The following ITGB8 variants were observed in gnomAD, a reference collection of about 807,000 sequenced individuals.
The protein encoded by ITGB8 is integrin beta-8.
ITGB8 carries 30 observed loss-of-function variants against 89.5 expected under a neutral mutation model. The ratio of observed to expected loss-of-function variants is 0.34; its 90% CI spans 0.25 to 0.45. The LOEUF (loss-of-function observed/expected upper bound fraction) is 0.45. Ranked by LOEUF, ITGB8 falls within the 20% of genes least tolerant of loss-of-function variation. The pLI, the probability that ITGB8 is intolerant of heterozygous loss-of-function variation, is 1.00. For synonymous variants in ITGB8, 335 were observed against 320.4 expected (o/e 1.05, Z -0.49); for missense variants, 836 against 933.3 (o/e 0.90, Z 1.36).
chr7:20,365,709 C>T (rs1396404885), intron 2 of ITGB8: 1 of 152,228 alleles, frequency 6.6e-6, no homozygotes, highest in African/African-American at 2.4e-5. Context: ...AGTTTTAGGA[C>T]TCAGCCACTA....
At chr7:20,369,590 A>G (rs1785846743) in intron 3 of ITGB8, among the ~76,000 whole-genome samples, 1 of 152,190 alleles carries the variant, frequency 6.6e-6, no homozygotes, top group Non-Finnish European at 1.5e-5. Flanking sequence ...ATACTGTCAC[A>G]TTGGAGGTTA....
chr7:20,399,225 G>A (rs1341822363), intron 9 of ITGB8, among the ~76,000 whole-genome samples: 1 of 152,142 alleles, frequency 6.6e-6, no homozygotes, highest in African/African-American at 2.4e-5. Flanking sequence ...GTGCGTGTGT[G>A]TGTAATATGA....
At chr7:20,365,304 C>G (rs1785651184) in intron 2 of ITGB8, 1 of 152,240 alleles carries the variant, frequency 6.6e-6, no homozygotes, top group Non-Finnish European at 1.5e-5. Context: ...GGAAAACGGT[C>G]AGAAACTCAC....
intron 3 of ITGB8, among the ~76,000 whole-genome samples, chr7:20,378,371 C>T (rs915654025): frequency 3.3e-5 from 5 of 152,170 alleles, no homozygotes; most frequent in Non-Finnish European, 7.3e-5. Context: ...AATGCTGACC[C>T]CTACCTTCCC....
At chr7:20,334,120 A>T (rs1424893729) in intron 1 of ITGB8, among the ~76,000 whole-genome samples, 1 of 152,188 alleles carries the variant, frequency 6.6e-6, no homozygotes, top group African/African-American at 2.4e-5. Context: ...CATATAGTGG[A>T]CTTTTAATAA....
chr7:20,356,791 G>A (rs1785310085), intron 1 of ITGB8, among the ~76,000 whole-genome samples: 1 of 152,146 alleles, frequency 6.6e-6, no homozygotes, highest in Admixed American at 6.5e-5. Flanking sequence ...AAAAAAACTA[G>A]AAATGTCTCT....
Position 20,404,845 on chromosome 7 carries a change from G to A in ITGB8, c.1905G>A (p.Lys635=). The A allele has an allele frequency of 2.5e-6, 4 of 1,613,918 alleles. No homozygotes were observed. The highest frequency in any genetic ancestry group is 1.6e-4 in the Middle Eastern group (1 of 6,062). ...GCCCCACCTGTTATACAGCCTGCAAGGAAAACTGGTATGATTTCTTTGACT... is the reference window on the plus strand; with the variant it reads ...GCCCCACCTGTTATACAGCCTGCAAAGAAAACTGGTATGATTTCTTTGACT... The part of the protein sequence containing the change: ...EHCPTCYTAC[K]ENWNCMQCLH... The change falls in exon 11 of 14, where the codon AAG becomes AAA. Residue 635 remains lysine (K), a synonymous_variant. Transcript: ENST00000222573.
chr7:20,406,339 T>C (rs1271909914), intron 12 of ITGB8, among the ~76,000 whole-genome samples, 168 bp downstream of exon 12: 1 of 152,120 alleles, frequency 6.6e-6, no homozygotes, highest in African/African-American at 2.4e-5. Context: ...TCACCTGAGG[T>C]CAGGAGTTCC....
chr7:20,344,138 G>A (rs780954443), intron 1 of ITGB8, among the ~76,000 whole-genome samples: 8 of 151,960 alleles, frequency 5.3e-5, no homozygotes, highest in Non-Finnish European at 8.8e-5. Context: ...CATACAATAC[G>A]AGATAGTGCT....
At chr7:20,343,002 T>C (rs905868038) in intron 1 of ITGB8, among the ~76,000 whole-genome samples, 1 of 152,210 alleles carries the variant, frequency 6.6e-6, no homozygotes, top group Admixed American at 6.5e-5. Flanking sequence ...CATTCAAATA[T>C]AAATTGGTTG....
At chr7:20,330,389 G>A (rs546469733), upstream of ITGB8, among the ~76,000 whole-genome samples, 151 of 152,320 alleles carry the variant, frequency 9.9e-4, no homozygotes, top group South Asian at 1.7e-3. Context: ...TCCGAACAAA[G>A]CGGCGAGCAG....
intron 6 of ITGB8, among the ~76,000 whole-genome samples, chr7:20,389,333 A>T (rs934661520): frequency 6.6e-5 from 10 of 152,124 alleles, no homozygotes; most frequent in African/African-American, 1.9e-4. Context: ...CTGGCCTGAG[A>T]TGGTATCTCA....
chr7:20,384,886 T>A (rs1314779567), intron 6 of ITGB8, among the ~76,000 whole-genome samples: 1 of 152,264 alleles, frequency 6.6e-6, no homozygotes, highest in East Asian at 1.9e-4. Context: ...CACTATTGAA[T>A]AAATTACATT....
At chr7:20,355,771 G>A (rs6968646) in intron 1 of ITGB8, among the ~76,000 whole-genome samples, 2 of 152,200 alleles carry the variant, frequency 1.3e-5, no homozygotes, top group Admixed American at 6.5e-5. Context: ...TAGGCTGGGC[G>A]ACACTGCAAG....
intron 1 of ITGB8, among the ~76,000 whole-genome samples, chr7:20,356,891 G>A (rs7806488): frequency 0.8 from 121,926 of 152,052 alleles, 49,022 homozygotes; most frequent in South Asian, 0.84. Context: ...GTTTTGGGGA[G>A]TTTGCTGGTC....
At chr7:20,347,768 A>G (rs1784977518) in intron 1 of ITGB8, among the ~76,000 whole-genome samples, 1 of 152,152 alleles carries the variant, frequency 6.6e-6, no homozygotes, top group Non-Finnish European at 1.5e-5. Context: ...GAAGGTACCA[A>G]TTTGGTGGTC....
chr7:20,351,225 C>A lies in ITGB8; in HGVS notation c.128-12412C>A, dbSNP rs1785103493. 2.6e-5 allele frequency among the ~76,000 whole-genome samples: 4 copies of A among 152,198 alleles called. 1 individual carries two copies. In the South Asian group the frequency reaches 6.2e-4, roughly 24 times the overall value. ...CATCATTTAAGAACTAATAATAGTA[C>A]TAATTAGCCAGGAGTTTTCAGTCAT... is the stretch of plus-strand genomic sequence containing the variant. On this transcript the variant is annotated intron_variant, in intron 1 of 13. Transcript: ENST00000222573.
At chr7:20,332,902 T>C (rs1347491181) in intron 1 of ITGB8, among the ~76,000 whole-genome samples, 5 of 151,590 alleles carry the variant, frequency 3.3e-5, no homozygotes, top group Non-Finnish European at 5.9e-5. Flanking sequence ...TTTTTGCTAA[T>C]GCAGTGACTC....
At chr7:20,353,458 T>A (rs955337768) in intron 1 of ITGB8, 3 of 152,152 alleles carry the variant, frequency 2.0e-5, no homozygotes, top group Non-Finnish European at 4.4e-5. Context: ...ACAAGGAACA[T>A]GTAATGAATT....
Sources: gnomAD v4.1 joint callset for allele counts (sites outside exome capture counted in the v4.1 genomes callset) on GRCh38, gnomAD v4.1.1 for gene constraint, MANE v1.5 for transcripts, NCBI Gene and HGNC (gene_info 2026-07-23, HGNC 2026-07-21) for gene names.